IKZF1: variants seen among roughly 807,000 people sequenced by gnomAD.
IKZF1 encodes the protein IKAROS family zinc finger 1.
Under a neutral mutation model 51.7 loss-of-function variants are expected in IKZF1, and 10 were observed. That is an observed-to-expected ratio of 0.19 (90% CI 0.12 to 0.33). The LOEUF is 0.33. Among genes scored for constraint, IKZF1 ranks in the 10% least tolerant of loss-of-function variants. The pLI, the probability that IKZF1 is intolerant of heterozygous loss-of-function variation, is 1.00. For missense variants in IKZF1, 484 were observed against 707.5 expected (o/e 0.68, Z 3.58); for synonymous variants, 280 against 282.3 (o/e 0.99, Z 0.08).
chr7:50,309,627 C>G (rs996974005), intron 1 of IKZF1, among the ~76,000 whole-genome samples: 1 of 152,184 alleles, frequency 6.6e-6, no homozygotes. Flanking sequence ...AAAGCATTTT[C>G]TGTTAGTTTG....
intron 3 of IKZF1, among the ~76,000 whole-genome samples, chr7:50,330,809 A>C (rs1464769539): frequency 2.0e-5 from 3 of 152,222 alleles, no homozygotes; most frequent in Non-Finnish European, 1.5e-5. Context: ...TAAGGAGTGC[A>C]CAGCAGGAAA....
Position 50,400,312 on chromosome 7 carries a change from C to G in IKZF1, c.1245C>G (p.Thr415=). 1 of 1,613,084 alleles carries G rather than the reference C, an allele frequency of 6.2e-7. No homozygotes were observed. Among genetic ancestry groups the G allele is most frequent in the Non-Finnish European group, 8.5e-7 (1 of 1,179,716 alleles). Residue 415 remains threonine, a synonymous_variant, in exon 8 of 8, where the codon ACC becomes ACG. Coordinates refer to ENST00000331340, the MANE Select transcript of IKZF1 (RefSeq NM_006060.6). This position sits in a 1 kb window ranked among gnomAD's most constrained non-coding sequence, Gnocchi z 5.4. ...AGCGCAGCGGTCTCATCTACCTGACCAACCACATCGCCCCGCACGCGCGCA... is the reference window on the plus strand; with the variant it reads ...AGCGCAGCGGTCTCATCTACCTGACGAACCACATCGCCCCGCACGCGCGCA... The part of the protein sequence containing the change: ...EEQRSGLIYL[T]NHIAPHARNG...
In IKZF1 at chr7:50,327,733, A is replaced by G. The variant is rs1318919672; in HGVS notation, c.136A>G (p.Ser46Gly). The change falls in exon 3 of 8, where the codon AGC (serine) becomes GGC (glycine). Residue 46 changes from serine (S) to glycine (G), a missense_variant. Around this residue, in one of 6 missense-constraint regions of IKZF1, gnomAD observed 118 missense variants for 138.4 expected, o/e 0.85. Transcript: ENST00000331340. Reference protein sequence around the residue: ...DLSTTSGGQQSSKSDRVVASN... With the variant: ...DLSTTSGGQQGSKSDRVVASN... ...CTCCACCACCTCGGGAGGACAGCAA[A>G]GCTCCAAGAGTGACAGAGTCGTGGG... 1 of 1,613,344 alleles carries G rather than the reference A, an allele frequency of 6.2e-7. No individual in the cohort carries two copies. The highest frequency in any genetic ancestry group is 1.7e-5 in the Admixed American group (1 of 59,924).
intron 5 of IKZF1, among the ~76,000 whole-genome samples, chr7:50,384,137 C>T (rs978167977): frequency 1.8e-4 from 28 of 152,242 alleles, no homozygotes; most frequent in African/African-American, 6.3e-4. Context: ...TGCTGGAAGG[C>T]GAGTGTCTGA....
intron 3 of IKZF1, chr7:50,368,568 CG>C: frequency 1.9e-6 from 1 of 539,210 alleles, no homozygotes; most frequent in East Asian, 3.0e-5. Flanking sequence ...TGTGGTGCAT[CG>C]CTGCTGGAGC....
chr7:50,391,800 G>T lies in IKZF1; in HGVS notation c.787G>T (p.Val263Leu), dbSNP rs777862077. Residue 263 changes from valine to leucine, a missense_variant, in exon 7 of 8, where the codon GTG becomes TTG. Physicochemically the swap from Val to Leu is conservative, Grantham distance 32. Around this residue, in one of 6 missense-constraint regions of IKZF1, gnomAD observed 172 missense variants for 192.7 expected, o/e 0.89. Transcript: ENST00000331340. ...CAAGATAGGATCAGAGAGATCTCTC[G>T]TGCTGGACAGACTAGCAAGTAACGT... ...LCKIGSERSLVLDRLASNVAK... is the reference protein window; with the variant it reads ...LCKIGSERSLLLDRLASNVAK... 2.5e-6 allele frequency: 4 copies of T among 1,613,832 alleles called. No homozygotes were observed. In the African/African-American group the frequency reaches 5.3e-5, roughly 22 times the overall value.
At position 50,353,106 on chromosome 7, in the gene IKZF1, T is replaced by TG. The variant is rs555437565; in HGVS notation, c.161-23425dup. 1.8e-4 allele frequency among the ~76,000 whole-genome samples: 24 copies of TG among 132,376 alleles called. 2 individuals are homozygous for TG. The South Asian group carries it at 4.1e-3, about 23-fold the overall frequency. 86.8% of individuals were successfully genotyped at this position (132,376 alleles called of 152,430 possible). On this transcript the variant is annotated intron_variant, in intron 3 of 7. Coordinates refer to ENST00000331340, the MANE Select transcript of IKZF1 (RefSeq NM_006060.6). ...CACAGAAAGACATGAAAGAAAGAGC[T>TG]GGAGAAGCCTGAGGGGCTGCCCAGT...
intron 3 of IKZF1, among the ~76,000 whole-genome samples, chr7:50,365,757 A>G (rs1806714498): frequency 6.6e-6 from 1 of 152,232 alleles, no homozygotes; most frequent in South Asian, 2.1e-4. Context: ...CATTTGACCC[A>G]GCAATCCCAT....
chr7:50,341,988 A>G (rs1799176419), intron 3 of IKZF1, among the ~76,000 whole-genome samples: 1 of 152,158 alleles, frequency 6.6e-6, no homozygotes, highest in African/African-American at 2.4e-5. Flanking sequence ...AAAAAAAAAA[A>G]CTTTTTAGAT....
rs114854746 is a variant in IKZF1 at position 50,360,988 on chromosome 7, T to C, written c.161-15545T>C. ...CTTCCTTATCATTTTGGCCCAGTGA[T>C]CCAGCACAAATCTCCCTTATTAGAA... On this transcript the variant is annotated intron_variant, in intron 3 of 7. Coordinates refer to ENST00000331340, the MANE Select transcript of IKZF1 (RefSeq NM_006060.6). 2.4e-3 allele frequency among the ~76,000 whole-genome samples: 362 copies of C among 152,364 alleles called. 2 individuals carry two copies. The highest frequency in any genetic ancestry group is 8.4e-3 in the African/African-American group (350 of 41,590).
At chr7:50,322,145 G>GT (rs958687532) in intron 2 of IKZF1, among the ~76,000 whole-genome samples, 2 of 151,950 alleles carry the variant, frequency 1.3e-5, no homozygotes, top group Non-Finnish European at 1.5e-5. Context: ...ACCAGTATTT[G>GT]TTTTTTTCAT....
At chr7:50,322,362 G>A (rs1056968331) in intron 2 of IKZF1, among the ~76,000 whole-genome samples, 4 of 152,226 alleles carry the variant, frequency 2.6e-5, no homozygotes, top group Middle Eastern at 3.4e-3. Context: ...TAATGTATGC[G>A]AAATGCTAGA....
Position 50,382,682 on chromosome 7 carries a change from C to G in IKZF1, c.564C>G (p.Leu188=). ...ACGCCTGCCGCCGGAGGGACGCCCT[C>G]ACTGGCCACCTGAGGACGCACTCCG... is the stretch of plus-strand genomic sequence containing the variant. ...CNYACRRRDA[L]TGHLRTHSVG... Residue 188 remains leucine, a synonymous_variant, in exon 5 of 8, where the codon CTC becomes CTG. Coordinates refer to ENST00000331340, the MANE Select transcript of IKZF1 (RefSeq NM_006060.6). 6.2e-7 allele frequency: 1 copy of G among 1,610,416 alleles called. No homozygotes were observed. The highest frequency in any genetic ancestry group is 8.5e-7 in the Non-Finnish European group (1 of 1,179,774).
In IKZF1 at chr7:50,332,179, GT is replaced by G. The variant is rs1368577737; in HGVS notation, c.160+4428del. ...AACTCTTGAGCAGGGGCTCTTAAAA[GT>G]TTTTTGTTTAGGAATTATGTCAGGG... On this transcript the variant is annotated intron_variant, in intron 3 of 7. Transcript: ENST00000331340. Among the ~76,000 whole-genome samples the G allele has an allele frequency of 2.2e-3, 336 of 152,290 alleles. 5 individuals are homozygous for G. The highest frequency in any genetic ancestry group is 0.014 in the Middle Eastern group (4 of 294).
rs111924373 is a variant in IKZF1, at chr7:50,393,563, G to T, written c.850+1700G>T. Among the ~76,000 whole-genome samples the T allele has an allele frequency of 7.3e-3, 1,112 of 152,316 alleles. 10 individuals carry two copies. The highest frequency in any genetic ancestry group is 0.021 in the African/African-American group (856 of 41,568). Reference sequence around the variant, plus strand: ...TAGGTTGGGGGTTGAGAGGAGCAAGGGAGAGAAGGATTCAGTGTACAAAAA... The same window carrying T: ...TAGGTTGGGGGTTGAGAGGAGCAAGTGAGAGAAGGATTCAGTGTACAAAAA... On this transcript the variant is annotated intron_variant, in intron 7 of 7. Coordinates refer to ENST00000331340, the MANE Select transcript of IKZF1 (RefSeq NM_006060.6).
At chr7:50,329,936 G>A (rs1402576929) in intron 3 of IKZF1, among the ~76,000 whole-genome samples, 1 of 152,208 alleles carries the variant, frequency 6.6e-6, no homozygotes, top group Non-Finnish European at 1.5e-5. Context: ...GCCGATTCCT[G>A]GAGAGTGAAG....
intron 6 of IKZF1, among the ~76,000 whole-genome samples, chr7:50,389,724 C>T (rs149863489): frequency 3.7e-4 from 56 of 152,264 alleles, no homozygotes; most frequent in African/African-American, 1.3e-3. Flanking sequence ...TTAAGGGGAT[C>T]CATAAAAGGA....
At chr7:50,368,305 A>C (rs1807596285) in intron 3 of IKZF1, 1 of 703,302 alleles carries the variant, frequency 1.4e-6, no homozygotes. Context: ...GGTTGGAGTC[A>C]CAGTAGCACT....
Position 50,400,699 on chromosome 7 carries a change from C to T in IKZF1, c.*72C>T, listed in dbSNP as rs1817961086. ...GCACAAGGACTGCCGCCTTCTCGCT[C>T]CCGCCAGCAGCATAGACTGGACTGG... is the stretch of plus-strand genomic sequence containing the variant. On this transcript the variant is annotated 3_prime_UTR_variant, in exon 8 of 8. Transcript: ENST00000331340. This position sits in a 1 kb window ranked among gnomAD's most constrained non-coding sequence, Gnocchi z 5.4. 7 of 1,504,898 alleles carry T rather than the reference C, an allele frequency of 4.7e-6. No homozygotes were observed. Among genetic ancestry groups the T allele is most frequent in the African/African-American group, 1.4e-5 (1 of 72,416 alleles). 93.2% of individuals were successfully genotyped at this position (1,504,898 alleles called of 1,614,324 possible). A position where few individuals can be genotyped will look rare whatever the true frequency, so the allele number is the denominator to read the frequency against.
Sources: allele counts gnomAD v4.1 joint callset (sites outside exome capture counted in the v4.1 genomes callset), GRCh38; gene constraint gnomAD v4.1.1; regional missense constraint gnomAD v4.1.1; non-coding constraint Gnocchi (gnomAD v3.1); transcripts MANE v1.5; gene names NCBI Gene and HGNC (gene_info 2026-07-23, HGNC 2026-07-21).